GULP1: variants seen among roughly 807,000 people sequenced by gnomAD.
The protein encoded by GULP1 is PTB domain-containing engulfment adapter protein 1.
Under a neutral mutation model 40.9 loss-of-function variants are expected in GULP1, and 19 were observed. The ratio of observed to expected loss-of-function variants is 0.46; its 90% CI spans 0.32 to 0.68. The LOEUF (loss-of-function observed/expected upper bound fraction) is 0.68. Ranked by LOEUF, GULP1 falls within the 30% of genes least tolerant of loss-of-function variation. GULP1 has a pLI of 0.03. For synonymous variants in GULP1, 119 were observed against 117.6 expected, an observed-to-expected ratio of 1.01 and a Z score of -0.08; for missense variants, 312 against 362.2, an observed-to-expected ratio of 0.86 and a Z score of 1.12.
At chr2:188,295,565 A>G (rs1268230578) in intron 1 of GULP1, among the ~76,000 whole-genome samples, 1 of 152,118 alleles carries the variant, frequency 6.6e-6, no homozygotes, top group Non-Finnish European at 1.5e-5. Flanking sequence ...ACATATTTTT[A>G]TGGTTCATTG....
chr2:188,414,042 C>T (rs1439203334), intron 2 of GULP1, among the ~76,000 whole-genome samples: 1 of 151,792 alleles, frequency 6.6e-6, no homozygotes, highest in Non-Finnish European at 1.5e-5. Context: ...CATGGTGAAA[C>T]CCCATCTCTA....
At chr2:188,458,823 C>T (rs2059478731) in intron 2 of GULP1, among the ~76,000 whole-genome samples, 1 of 151,904 alleles carries the variant, frequency 6.6e-6, no homozygotes, top group Non-Finnish European at 1.5e-5. Flanking sequence ...ATCTCCCTCA[C>T]AGCACTCCAC....
At chr2:188,503,787 G>A (rs780842857) in intron 4 of GULP1, among the ~76,000 whole-genome samples, 2 of 151,858 alleles carry the variant, frequency 1.3e-5, no homozygotes, top group Non-Finnish European at 2.9e-5. Flanking sequence ...AAACGATGGA[G>A]AGTACTATTA....
chr2:188,505,585 G>T (rs2063825540), intron 4 of GULP1, among the ~76,000 whole-genome samples: 1 of 151,598 alleles, frequency 6.6e-6, no homozygotes, highest in African/African-American at 2.4e-5. Context: ...TGATTTCCTT[G>T]TACAAAAATA....
intron 2 of GULP1, among the ~76,000 whole-genome samples, chr2:188,440,226 T>C (rs1470839883): frequency 6.6e-6 from 1 of 152,228 alleles, no homozygotes; most frequent in Non-Finnish European, 1.5e-5. Flanking sequence ...GTAGCAGTCA[T>C]TTTGCATCAG....
intron 2 of GULP1, among the ~76,000 whole-genome samples, chr2:188,399,511 TA>T (rs1290697690): frequency 1.3e-5 from 2 of 151,760 alleles, no homozygotes; most frequent in Non-Finnish European, 2.9e-5. Context: ...TGGGGGCAAA[TA>T]AAAACAATAG....
chr2:188,368,044 C>G (rs998014890), intron 1 of GULP1, among the ~76,000 whole-genome samples: 2 of 152,104 alleles, frequency 1.3e-5, no homozygotes. Flanking sequence ...ATCCCTTCCT[C>G]TTCTTTCAAT....
At chr2:188,438,270 C>T (rs115933109) in intron 2 of GULP1, among the ~76,000 whole-genome samples, 3,416 of 152,024 alleles carry the variant, frequency 0.022, 136 homozygotes, top group African/African-American at 0.078. Context: ...CATCTTCCAA[C>T]ATCTTATTGG....
chr2:188,300,053 G>A (rs2035854250), intron 1 of GULP1, among the ~76,000 whole-genome samples: 1 of 152,166 alleles, frequency 6.6e-6, no homozygotes, highest in African/African-American at 2.4e-5. Context: ...ATTTTAGCTG[G>A]ATTATCTTGC....
At chr2:188,299,163 GA>G (rs1477395366) in intron 1 of GULP1, among the ~76,000 whole-genome samples, 20 of 141,832 alleles carry the variant, frequency 1.4e-4, no homozygotes, top group African/African-American at 5.3e-4. Context: ...ACTAAGGACA[GA>G]GCAGGTGACT....
At chr2:188,591,343 G>A (rs1281181978) in intron 11 of GULP1, 2 of 152,008 alleles carry the variant, frequency 1.3e-5, no homozygotes, top group East Asian at 3.8e-4. Context: ...TAGTTCAGAG[G>A]TAACTATGGC....
chr2:188,329,820 G>T (rs1020751658), intron 1 of GULP1, among the ~76,000 whole-genome samples: 3 of 152,138 alleles, frequency 2.0e-5, no homozygotes, highest in African/African-American at 7.2e-5. Flanking sequence ...GCAAGATGGG[G>T]ACAGGATTTG....
chr2:188,574,900 A>G (rs1699863451), intron 9 of GULP1, among the ~76,000 whole-genome samples: 1 of 152,174 alleles, frequency 6.6e-6, no homozygotes, highest in Non-Finnish European at 1.5e-5. Flanking sequence ...ACACCTTTGT[A>G]TTTTAAAGAG....
intron 4 of GULP1, among the ~76,000 whole-genome samples, chr2:188,499,717 T>C (rs1482872666): frequency 1.3e-5 from 2 of 151,828 alleles, no homozygotes; most frequent in Admixed American, 1.3e-4. Flanking sequence ...AATGTTTTTC[T>C]TTTTTACTCT....
intron 2 of GULP1, 21 bp from the exon 3 acceptor site, chr2:188,477,638 A>C: frequency 1.8e-5 from 23 of 1,274,566 alleles, no homozygotes; most frequent in Non-Finnish European, 2.6e-5. Context: ...TTTATGTTTT[A>C]ATATTTTGTC....
intron 2 of GULP1, among the ~76,000 whole-genome samples, chr2:188,438,733 T>A (rs779425866): frequency 6.6e-6 from 1 of 150,770 alleles, no homozygotes; most frequent in East Asian, 2.0e-4. Context: ...ACATCAGTAG[T>A]CAAAAGGAAA....
intron 6 of GULP1, among the ~76,000 whole-genome samples, chr2:188,532,359 T>A (rs1687769298): frequency 6.6e-6 from 1 of 152,162 alleles, no homozygotes; most frequent in Admixed American, 6.6e-5. Context: ...AATAATGGCA[T>A]GTCCTTAGAA....
chr2:188,492,998 G>A (rs1425906076), intron 4 of GULP1, among the ~76,000 whole-genome samples: 2 of 152,020 alleles, frequency 1.3e-5, no homozygotes, highest in East Asian at 3.9e-4. Flanking sequence ...GCCAGGATTT[G>A]CAACGTTTAC....
At chr2:188,337,378 G>A (rs1225775839) in intron 1 of GULP1, among the ~76,000 whole-genome samples, 2 of 150,946 alleles carry the variant, frequency 1.3e-5, no homozygotes, top group Admixed American at 1.3e-4. Flanking sequence ...GACCTCAAGT[G>A]ATCCACCCAC....
Sources: allele counts gnomAD v4.1 joint callset (sites outside exome capture counted in the v4.1 genomes callset), GRCh38; gene constraint gnomAD v4.1.1; transcripts MANE v1.5; gene names NCBI Gene and HGNC (gene_info 2026-07-23, HGNC 2026-07-21).